Variants in DNAJA2 observed in about 807,000 individuals in gnomAD.
The protein encoded by DNAJA2 is dnaJ homolog subfamily A member 2.
Under a neutral mutation model 49.3 loss-of-function variants are expected in DNAJA2, and 6 were observed. That is an observed-to-expected ratio of 0.12 (90% CI 0.07 to 0.24). The LOEUF is 0.24. Among genes scored for constraint, DNAJA2 ranks in the 10% least tolerant of loss-of-function variants. The pLI, the probability that DNAJA2 is intolerant of heterozygous loss-of-function variation, is 1.00. For synonymous variants in DNAJA2, 160 were observed against 172.7 expected (o/e 0.93, Z 0.58); for missense variants, 347 against 516.8 (o/e 0.67, Z 3.19).
In DNAJA2 at chr16:46,967,513, C is replaced by T. The variant is rs756868978; in HGVS notation, c.577G>A (p.Gly193Arg). The T allele has an allele frequency of 6.2e-7, 1 of 1,614,100 alleles. No individual in the cohort carries two copies. The change falls in exon 5 of 9, where the codon GGA becomes AGA. Residue 193 changes from glycine to arginine, a missense_variant and splice_region_variant. Physicochemically the swap from Gly to Arg is moderately radical, Grantham distance 125. Coordinates refer to ENST00000317089, the MANE Select transcript of DNAJA2 (RefSeq NM_005880.4). ...QSVCSDCNGEGEVINEKDRCK... is the reference protein window; with the variant it reads ...QSVCSDCNGEREVINEKDRCK... ...AGCAGAGAAGTACTGGCACACATAC[C>T]TTCTCCATTACAATCAGAGCACACA...
chr16:46,960,970 G>A (rs1399721367), intron 6 of DNAJA2, among the ~76,000 whole-genome samples: 2 of 152,058 alleles, frequency 1.3e-5, no homozygotes, highest in Non-Finnish European at 2.9e-5. Context: ...TCCAGCCACT[G>A]CACTCCAGCC....
rs776343474 is a variant in DNAJA2, at chr16:46,964,665, G to A, written c.720C>T (p.Ala240=). The change falls in exon 6 of 9, where the codon GCC becomes GCT. Residue 240 remains alanine, a synonymous_variant. Coordinates refer to ENST00000317089, the MANE Select transcript of DNAJA2 (RefSeq NM_005880.4). ...RITFTGEADQ[A]PGVEPGDIVL... Reference sequence around the variant, plus strand: ...CAATGTCTCCGGGTTCCACTCCTGGGGCCTGGTCTGCTTCCCCAGTGAATG... The same window carrying A: ...CAATGTCTCCGGGTTCCACTCCTGGAGCCTGGTCTGCTTCCCCAGTGAATG... 1 of 1,614,092 alleles carries A rather than the reference G, an allele frequency of 6.2e-7. No individual in the cohort carries two copies. The highest frequency in any genetic ancestry group is 8.5e-7 in the Non-Finnish European group (1 of 1,180,018).
chr16:46,959,158 A>ATT (rs756648081), intron 7 of DNAJA2, 28 bp from the exon 8 acceptor site: 16 of 1,581,080 alleles, frequency 1.0e-5, no homozygotes, highest in Non-Finnish European at 1.4e-5. Context: ...ATGATTAATA[A>ATT]TTTTACCCAA....
intron 6 of DNAJA2, chr16:46,959,637 A>T (rs1372363219): frequency 4.1e-6 from 2 of 486,596 alleles, no homozygotes; most frequent in African/African-American, 3.8e-5. Context: ...TGGAACTGGT[A>T]AACAATGGCA....
At chr16:46,967,021 C>T (rs868535826) in intron 5 of DNAJA2, among the ~76,000 whole-genome samples, 1 of 152,208 alleles carries the variant, frequency 6.6e-6, no homozygotes, top group African/African-American at 2.4e-5. Context: ...TTCACTAACA[C>T]AATACAAATC....
In DNAJA2 at chr16:46,965,263, A is replaced by C. The variant is rs543281664; in HGVS notation, c.578-456T>G. Among the ~76,000 whole-genome samples, 3 of 152,230 alleles carry C rather than the reference A, an allele frequency of 2.0e-5. No individual in the cohort carries two copies. The South Asian group carries it at 6.2e-4, about 32-fold the overall frequency. ...GAATAACAAAAACTTACATCTTACT[A>C]CTGCAGACTGCCTGAAGGACTCAGC... is the stretch of plus-strand genomic sequence containing the variant. On this transcript the variant is annotated intron_variant, in intron 5 of 8. Transcript: ENST00000317089.
At chr16:46,960,757 C>T (rs948094968) in intron 6 of DNAJA2, among the ~76,000 whole-genome samples, 4 of 146,966 alleles carry the variant, frequency 2.7e-5, no homozygotes, top group Admixed American at 1.4e-4. Flanking sequence ...CCAGCCTGGG[C>T]GACACAGCGA....
intron 3 of DNAJA2, among the ~76,000 whole-genome samples, chr16:46,970,334 G>C (rs186595707): frequency 6.6e-6 from 1 of 152,356 alleles, no homozygotes; most frequent in East Asian, 1.9e-4. Context: ...AACCAACTCA[G>C]AAGAGTTCAC....
intron 6 of DNAJA2, among the ~76,000 whole-genome samples, chr16:46,964,142 G>A (rs1961936390): frequency 6.6e-6 from 1 of 152,176 alleles, no homozygotes; most frequent in African/African-American, 2.4e-5. Flanking sequence ...GGGAGGCTGA[G>A]GCAGGCAGAT....
Position 46,955,894 on chromosome 16 carries a change from TACA to T in DNAJA2, c.*1132_*1134del, listed in dbSNP as rs376779737. On this transcript the variant is annotated 3_prime_UTR_variant, in exon 9 of 9. Transcript: ENST00000317089. ...ATTTTTAGTTTGAAATATAAATAAC[TACA>T]ACAATGCATATTTCAGTTGCCTTCA... 30 of 152,228 alleles carry T rather than the reference TACA, an allele frequency of 2.0e-4. No individual in the cohort carries two copies. In the East Asian group the frequency reaches 5.4e-3, roughly 27 times the overall value. The allele number at this position is 152,228 out of a possible 1,614,324, so 9.4% of individuals were successfully genotyped here.
intron 1 of DNAJA2, 62 bp from the exon 2 acceptor site, chr16:46,972,017 A>T: frequency 8.9e-7 from 1 of 1,129,094 alleles, no homozygotes; most frequent in Non-Finnish European, 1.3e-6. Context: ...GTTTTGTAAT[A>T]ACTTAATATC....
At chr16:46,973,238 C>T (rs1962082584) in intron 1 of DNAJA2, among the ~76,000 whole-genome samples, 3 of 152,074 alleles carry the variant, frequency 2.0e-5, no homozygotes, top group African/African-American at 7.2e-5. Context: ...GGAAGGGCTC[C>T]CATCGTGTTT....
intron 6 of DNAJA2, among the ~76,000 whole-genome samples, chr16:46,959,939 G>C (rs1364548624): frequency 6.6e-6 from 1 of 152,208 alleles, no homozygotes; most frequent in Non-Finnish European, 1.5e-5. Context: ...TCACTAAAAT[G>C]CAAAACTGGC....
Position 46,956,520 on chromosome 16 carries a change from C to T in DNAJA2, c.*509G>A, listed in dbSNP as rs1289572550. Reference sequence around the variant, plus strand: ...ACAACCACAGCTAATGTAATTTTTTCCATTGTTCCCAGTCAGCTCCAAACC... The same window carrying T: ...ACAACCACAGCTAATGTAATTTTTTTCATTGTTCCCAGTCAGCTCCAAACC... On this transcript the variant is annotated 3_prime_UTR_variant, in exon 9 of 9. Transcript: ENST00000317089. 1 of 151,640 alleles carries T rather than the reference C, an allele frequency of 6.6e-6. No homozygotes were observed. The highest frequency in any genetic ancestry group is 1.5e-5 in the Non-Finnish European group (1 of 67,908). The allele number at this position is 151,640 out of a possible 1,614,324, so 9.4% of individuals were successfully genotyped here.
rs200853679 is a variant in DNAJA2 at position 46,957,714 on chromosome 16, A to G, written c.1048-494T>C. 7.9e-5 allele frequency among the ~76,000 whole-genome samples: 12 copies of G among 152,294 alleles called. No individual in the cohort carries two copies. The East Asian group carries it at 2.3e-3, about 29-fold the overall frequency. On this transcript the variant is annotated intron_variant, in intron 8 of 8. Coordinates refer to ENST00000317089, the MANE Select transcript of DNAJA2 (RefSeq NM_005880.4). ...TCTGCAGACATCTTTTGTGCAACCC[A>G]TCTATTGCTTTAAGAACCAAAAAAA...
chr16:46,959,570 T>A, intron 6 of DNAJA2, 151 bp from the exon 7 acceptor site: 1 of 633,638 alleles, frequency 1.6e-6, no homozygotes, highest in Non-Finnish European at 2.6e-6. Context: ...TAAACCGCAT[T>A]AGGAAAGCTA....
intron 1 of DNAJA2, 143 bp from the exon 2 acceptor site, chr16:46,972,098 G>A (rs909247674): frequency 1.7e-5 from 11 of 656,354 alleles, no homozygotes; most frequent in Non-Finnish European, 2.9e-5. Flanking sequence ...GGGATTCTTC[G>A]GCACTTTCTC....
At position 46,956,636 on chromosome 16, in the gene DNAJA2, G is replaced by A. The variant is rs1456061814; in HGVS notation, c.*393C>T. 5.7e-6 allele frequency: 1 copy of A among 176,644 alleles called. No homozygotes were observed. Among genetic ancestry groups the A allele is most frequent in the Non-Finnish European group, 1.2e-5 (1 of 82,308 alleles). The allele number at this position is 176,644 out of a possible 1,614,324, so 10.9% of individuals were successfully genotyped here. Reference sequence around the variant, plus strand: ...ATTCTATTTGTAGCAGCTTATGCAGGTGCAGCCAAACACAAAGCTTCAGGA... The same window carrying A: ...ATTCTATTTGTAGCAGCTTATGCAGATGCAGCCAAACACAAAGCTTCAGGA... On this transcript the variant is annotated 3_prime_UTR_variant, in exon 9 of 9. Transcript: ENST00000317089.
chr16:46,958,347 C>A (rs1362218423), intron 8 of DNAJA2, among the ~76,000 whole-genome samples: 4 of 152,028 alleles, frequency 2.6e-5, no homozygotes, highest in African/African-American at 9.6e-5. Context: ...GTCAGGAGAT[C>A]GAGACCATCG....
Sources: gnomAD v4.1 joint callset for allele counts (sites outside exome capture counted in the v4.1 genomes callset) on GRCh38, gnomAD v4.1.1 for gene constraint, MANE v1.5 for transcripts, NCBI Gene and HGNC (gene_info 2026-07-23, HGNC 2026-07-21) for gene names.